The following RBPMS variants were observed in gnomAD, a reference collection of about 807,000 sequenced individuals.
RBPMS encodes the protein RNA-binding protein with multiple splicing.
Under a neutral mutation model 26.8 loss-of-function variants are expected in RBPMS, and 7 were observed. That is an observed-to-expected ratio of 0.26 (90% confidence interval 0.15 to 0.49). The LOEUF is 0.49. Among genes scored for constraint, RBPMS ranks in the 20% least tolerant of loss-of-function variants. The probability of loss-of-function intolerance (pLI) is 0.98; values close to 1 mark genes in which losing one functional copy is unlikely to be tolerated. For synonymous variants in RBPMS, 96 were observed against 93.3 expected (o/e 1.03, Z -0.17); for missense variants, 186 against 250.0 (o/e 0.74, Z 1.73).
At chr8:30,482,001 A>G (rs1224718101) in intron 4 of RBPMS, among the ~76,000 whole-genome samples, 2 of 152,184 alleles carry the variant, frequency 1.3e-5, no homozygotes, top group East Asian at 1.9e-4. Flanking sequence ...TGCTTTGTAC[A>G]TGGGATGTTG....
chr8:30,386,856 C>CTT (rs879534669), intron 1 of RBPMS, among the ~76,000 whole-genome samples: 1 of 149,856 alleles, frequency 6.7e-6, no homozygotes, highest in South Asian at 2.1e-4. Context: ...GTTGAGAAAA[C>CTT]TTTTTTTTTT....
intron 1 of RBPMS, among the ~76,000 whole-genome samples, chr8:30,468,071 T>A (rs1284400598): frequency 6.6e-6 from 1 of 152,168 alleles, no homozygotes; most frequent in African/African-American, 2.4e-5. Context: ...GCTGTTTGCT[T>A]TTTCCCTTAA....
intron 1 of RBPMS, among the ~76,000 whole-genome samples, chr8:30,461,519 T>C (rs987609839): frequency 3.9e-5 from 6 of 152,110 alleles, no homozygotes; most frequent in Admixed American, 3.9e-4. Context: ...CTCAGCCTCC[T>C]GAGTAGCTGG....
chr8:30,561,955 A>C, intron 7 of RBPMS: 1 of 985,368 alleles, frequency 1.0e-6, no homozygotes, highest in Non-Finnish European at 1.2e-6. Flanking sequence ...CCCTTCAGCA[A>C]TGGCTACTAG....
At chr8:30,423,965 G>A (rs1407741049) in intron 1 of RBPMS, among the ~76,000 whole-genome samples, 4 of 152,072 alleles carry the variant, frequency 2.6e-5, no homozygotes, top group South Asian at 2.1e-4. Flanking sequence ...AGCCTTCTAA[G>A]TAGCTGGGAC....
chr8:30,557,827 C>T (rs115412273), intron 6 of RBPMS, among the ~76,000 whole-genome samples: 386 of 152,292 alleles, frequency 2.5e-3, no homozygotes, highest in South Asian at 0.019. Flanking sequence ...TGATGGATGC[C>T]GTTAAAGACA....
intron 5 of RBPMS, among the ~76,000 whole-genome samples, chr8:30,526,343 T>A (rs1034653758): frequency 6.6e-6 from 1 of 152,220 alleles, no homozygotes; most frequent in Non-Finnish European, 1.5e-5. Flanking sequence ...CTTAACCATC[T>A]CTTTCTTCAT....
At chr8:30,419,164 G>C (rs1308337487) in intron 1 of RBPMS, among the ~76,000 whole-genome samples, 8 of 151,732 alleles carry the variant, frequency 5.3e-5, no homozygotes, top group African/African-American at 1.9e-4. Flanking sequence ...TTAAAAATAT[G>C]GCTGGGCGCA....
intron 1 of RBPMS, among the ~76,000 whole-genome samples, chr8:30,443,286 CCTG>C (rs1813337511): frequency 6.6e-6 from 1 of 151,986 alleles, no homozygotes; most frequent in Admixed American, 6.6e-5. Flanking sequence ...AAAATGGTGT[CCTG>C]CACTAATGTT....
chr8:30,473,622 C>G, intron 1 of RBPMS, among the ~76,000 whole-genome samples: 1 of 152,156 alleles, frequency 6.6e-6, no homozygotes, highest in East Asian at 1.9e-4. Flanking sequence ...ATACGTCATT[C>G]TGTTAGGAAG....
intron 5 of RBPMS, among the ~76,000 whole-genome samples, chr8:30,506,938 T>C (rs1239886346): frequency 1.3e-5 from 2 of 152,212 alleles, no homozygotes; most frequent in African/African-American, 4.8e-5. Flanking sequence ...AATTGGTTGC[T>C]GCCTTAAAAG....
chr8:30,529,054 C>A (rs1823910844), intron 5 of RBPMS, among the ~76,000 whole-genome samples: 5 of 149,942 alleles, frequency 3.3e-5, no homozygotes, highest in Admixed American at 3.3e-4. Flanking sequence ...ACGTCTCTAC[C>A]AAAAAAAAAT....
At chr8:30,517,859 A>G (rs1211915566) in intron 5 of RBPMS, among the ~76,000 whole-genome samples, 1 of 152,222 alleles carries the variant, frequency 6.6e-6, no homozygotes, top group African/African-American at 2.4e-5. Context: ...GAAATTGTGG[A>G]AACAGATCGA....
At chr8:30,515,016 A>G (rs1322270145) in intron 5 of RBPMS, among the ~76,000 whole-genome samples, 3 of 152,040 alleles carry the variant, frequency 2.0e-5, no homozygotes, top group African/African-American at 7.2e-5. Context: ...ATTAGAGACC[A>G]TGTCTCACTC....
At chr8:30,427,231 C>T (rs1267076899) in intron 1 of RBPMS, among the ~76,000 whole-genome samples, 1 of 152,164 alleles carries the variant, frequency 6.6e-6, no homozygotes, top group African/African-American at 2.4e-5. Context: ...AACTCCATAC[C>T]CACTCCAGCT....
intron 1 of RBPMS, among the ~76,000 whole-genome samples, chr8:30,468,176 CA>C (rs1269398382): frequency 2.0e-5 from 3 of 152,008 alleles, no homozygotes; most frequent in Non-Finnish European, 2.9e-5. Context: ...TTTCTTTCCC[CA>C]AAAAACTTCA....
chr8:30,500,290 A>G (rs4568576), intron 4 of RBPMS, among the ~76,000 whole-genome samples: 151,578 of 151,974 alleles, frequency 1, 75,591 homozygotes, highest in Middle Eastern at 1. Context: ...ATACATGCAG[A>G]TGTATATACA....
At position 30,413,311 on chromosome 8, in the gene RBPMS, T is replaced by A. The variant is rs142420624; in HGVS notation, c.66+28153T>A. ...GTCTCAAACTCCTGGCCTCAAGCAA[T>A]CCTCCCACCTTGGCCTCCCAAAGTT... On this transcript the variant is annotated intron_variant, in intron 1 of 8. Coordinates refer to ENST00000397323, the MANE Select transcript of RBPMS (RefSeq NM_001008710.3). 8.2e-4 allele frequency among the ~76,000 whole-genome samples: 125 copies of A among 152,224 alleles called. 4 individuals are homozygous for A. The East Asian group carries it at 0.018, about 22-fold the overall frequency.
rs944034887 is a variant in RBPMS, at chr8:30,387,660, A to G, written c.66+2502A>G. On this transcript the variant is annotated intron_variant, in intron 1 of 8. Transcript: ENST00000397323. ...AATTTCTGGTAGCCATTGAACTGACATGGAAAAATGAGTCCAATCATCATT... is the reference window on the plus strand; with the variant it reads ...AATTTCTGGTAGCCATTGAACTGACGTGGAAAAATGAGTCCAATCATCATT... 2.6e-5 allele frequency among the ~76,000 whole-genome samples: 4 copies of G among 152,218 alleles called. 1 individual carries two copies. The highest frequency in any genetic ancestry group is 4.1e-4 in the South Asian group (2 of 4,830).
Sources: allele counts gnomAD v4.1 joint callset (sites outside exome capture counted in the v4.1 genomes callset), GRCh38; gene constraint gnomAD v4.1.1; transcripts MANE v1.5; gene names NCBI Gene and HGNC (gene_info 2026-07-23, HGNC 2026-07-21).